The following ADGRB3 variants were observed in gnomAD, a reference collection of about 807,000 sequenced individuals.
The protein encoded by ADGRB3 is adhesion G protein-coupled receptor B3.
A neutral mutation model predicts 193.4 loss-of-function variants in ADGRB3; 37 were observed. The observed-to-expected ratio is 0.19, with a 90% CI of 0.15 to 0.25. The LOEUF is 0.25. ADGRB3 is among the 10% of genes least tolerant of loss of function. The pLI is 1.00. For synonymous variants in ADGRB3, 690 were observed against 644.2 expected (o/e 1.07, Z -1.08); for missense variants, 1,637 against 1,852.9 (o/e 0.88, Z 2.14).
At chr6:69,327,197 G>C (rs912813122) in intron 21 of ADGRB3, among the ~76,000 whole-genome samples, 2 of 152,016 alleles carry the variant, frequency 1.3e-5, no homozygotes, top group Non-Finnish European at 2.9e-5. Context: ...CAAAATACAG[G>C]GGGGTTCTAT....
At chr6:69,159,791 C>A (rs1449214499) in intron 17 of ADGRB3, among the ~76,000 whole-genome samples, 3 of 152,092 alleles carry the variant, frequency 2.0e-5, no homozygotes, top group Admixed American at 2.0e-4. Flanking sequence ...TCCCTGGATA[C>A]CTGATTTCCA....
At chr6:69,028,691 G>A (rs1770515192) in intron 13 of ADGRB3, among the ~76,000 whole-genome samples, 1 of 152,110 alleles carries the variant, frequency 6.6e-6, no homozygotes, top group Non-Finnish European at 1.5e-5. Context: ...TGAGAAACTT[G>A]AAAACGTTGT....
At chr6:69,328,198 A>G (rs1768622993) in intron 22 of ADGRB3, among the ~76,000 whole-genome samples, 3 of 152,170 alleles carry the variant, frequency 2.0e-5, no homozygotes, top group Non-Finnish European at 1.5e-5. Context: ...AAGTCTTGAC[A>G]TACTTACTTT....
chr6:69,325,065 C>T (rs202043170), intron 21 of ADGRB3, 43 bp downstream of exon 21: 36 of 1,580,754 alleles, frequency 2.3e-5, no homozygotes, highest in South Asian at 7.0e-5. Flanking sequence ...CTCAAAATGA[C>T]GTTGAACACA....
chr6:68,758,715 G>A (rs1766342186), intron 3 of ADGRB3, among the ~76,000 whole-genome samples: 1 of 152,064 alleles, frequency 6.6e-6, no homozygotes, highest in Non-Finnish European at 1.5e-5. Flanking sequence ...ATAGCCCCTA[G>A]TTGAAATGAA....
intron 3 of ADGRB3, among the ~76,000 whole-genome samples, chr6:68,737,156 A>G (rs1359220003): frequency 2.0e-5 from 3 of 152,146 alleles, no homozygotes; most frequent in African/African-American, 7.2e-5. Context: ...TGCATCTTAG[A>G]TTATTATTGC....
intron 3 of ADGRB3, among the ~76,000 whole-genome samples, chr6:68,764,825 G>T (rs983372033): frequency 6.6e-6 from 1 of 152,014 alleles, no homozygotes; most frequent in African/African-American, 2.4e-5. Flanking sequence ...ATGGTGCGTG[G>T]CCTCGTTTAT....
At chr6:68,714,703 C>A (rs1165900394) in intron 3 of ADGRB3, among the ~76,000 whole-genome samples, 4 of 151,746 alleles carry the variant, frequency 2.6e-5, no homozygotes, top group Admixed American at 1.3e-4. Context: ...AACAGTGATT[C>A]ATTTTCAACA....
chr6:68,892,034 G>A (rs997866062), intron 3 of ADGRB3, among the ~76,000 whole-genome samples: 1 of 152,120 alleles, frequency 6.6e-6, no homozygotes, highest in Admixed American at 6.5e-5. Context: ...TGACTATTGA[G>A]GAACTATATT....
intron 17 of ADGRB3, among the ~76,000 whole-genome samples, chr6:69,098,727 A>C (rs9360373): frequency 0.033 from 4,958 of 152,304 alleles, 136 homozygotes; most frequent in East Asian, 0.096. Flanking sequence ...CGTATCAATA[A>C]ACTGCTTATT....
chr6:69,056,146 A>T (rs532359883), intron 15 of ADGRB3, among the ~76,000 whole-genome samples: 1 of 152,198 alleles, frequency 6.6e-6, no homozygotes, highest in East Asian at 1.9e-4. Flanking sequence ...TTGTTTTTTA[A>T]TAATGGTTAT....
intron 20 of ADGRB3, among the ~76,000 whole-genome samples, chr6:69,321,100 A>G (rs965338167): frequency 6.6e-6 from 1 of 151,590 alleles, no homozygotes; most frequent in African/African-American, 2.4e-5. Flanking sequence ...TTCTTTATAT[A>G]CTTTTGTTTT....
intron 17 of ADGRB3, among the ~76,000 whole-genome samples, chr6:69,163,181 T>G (rs546633825): frequency 1.1e-3 from 160 of 152,170 alleles, no homozygotes; most frequent in Middle Eastern, 0.01. Flanking sequence ...CCCTAACCAC[T>G]ACCTCTCACA....
chr6:68,834,736 A>AT (rs66738661), intron 3 of ADGRB3, among the ~76,000 whole-genome samples: 132,832 of 152,038 alleles, frequency 0.87, 58,295 homozygotes, highest in Middle Eastern at 0.94. Context: ...GGAAGAATAT[A>AT]TTATGGATGG....
intron 3 of ADGRB3, among the ~76,000 whole-genome samples, chr6:68,899,441 C>T (rs1379467121): frequency 9.6e-6 from 1 of 104,420 alleles, no homozygotes; most frequent in Non-Finnish European, 1.9e-5. Context: ...TCCCTCCCCC[C>T]TCCCCCCACC....
intron 17 of ADGRB3, among the ~76,000 whole-genome samples, chr6:69,099,999 T>C (rs192366135): frequency 1.8e-4 from 27 of 152,312 alleles, no homozygotes; most frequent in Admixed American, 1.4e-3. Flanking sequence ...ATGTTGAAAA[T>C]AGTTTTGGAC....
chr6:68,677,072 A>T (rs1341079705), intron 3 of ADGRB3, among the ~76,000 whole-genome samples: 1 of 152,206 alleles, frequency 6.6e-6, no homozygotes, highest in African/African-American at 2.4e-5. Flanking sequence ...TCATTTTGAC[A>T]GAGATATACA....
chr6:68,748,373 C>A (rs929986528), intron 3 of ADGRB3, among the ~76,000 whole-genome samples: 1 of 152,132 alleles, frequency 6.6e-6, no homozygotes, highest in Non-Finnish European at 1.5e-5. Context: ...AATGGCGGTA[C>A]AGGTATTTGT....
chr6:69,389,134 T>C lies in ADGRB3; in HGVS notation c.*243T>C. 3.0e-6 allele frequency: 1 copy of C among 334,604 alleles called. No individual in the cohort carries two copies. The highest frequency in any genetic ancestry group is 5.5e-6 in the Non-Finnish European group (1 of 183,018). The allele number at this position is 334,604 out of a possible 1,614,324, so 20.7% of individuals were successfully genotyped here. On this transcript the variant is annotated 3_prime_UTR_variant, in exon 32 of 32. Coordinates refer to ENST00000370598, the MANE Select transcript of ADGRB3 (RefSeq NM_001704.3). ...CGTGGAATGGATTTGTAAGGTAATC[T>C]TTATAGATAAACCTCAAGCAACGAT... is the stretch of plus-strand genomic sequence containing the variant.
Sources: allele counts gnomAD v4.1 joint callset (sites outside exome capture counted in the v4.1 genomes callset), GRCh38; gene constraint gnomAD v4.1.1; transcripts MANE v1.5; gene names NCBI Gene and HGNC (gene_info 2026-07-23, HGNC 2026-07-21).